Variants in CCDC171 observed in about 807,000 individuals in gnomAD.
CCDC171 encodes coiled-coil domain-containing protein 171.
A neutral mutation model predicts 168.2 loss-of-function variants in CCDC171; 177 were observed. That is an observed-to-expected ratio of 1.05 (90% CI 0.93 to 1.19). The LOEUF is 1.19. CCDC171 is among the 50% of genes most tolerant of loss of function. CCDC171 has a pLI of 0.00. For synonymous variants in CCDC171, 687 were observed against 540.8 expected, an observed-to-expected ratio of 1.27 and a Z score of -3.75; for missense variants, 1,991 against 1,539.0, an observed-to-expected ratio of 1.29 and a Z score of -4.91.
chr9:15,927,104 A>T (rs975104079), intron 25 of CCDC171, among the ~76,000 whole-genome samples: 6 of 151,716 alleles, frequency 4.0e-5, no homozygotes, highest in African/African-American at 1.4e-4. Flanking sequence ...TATTGTAGAC[A>T]TAATTATCTT....
intron 24 of CCDC171, chr9:15,886,911 C>T (rs1329279218): frequency 1.3e-5 from 2 of 151,962 alleles, no homozygotes; most frequent in Non-Finnish European, 1.5e-5. Flanking sequence ...TGCATGATTC[C>T]ATTTATACGT....
At chr9:15,655,157 A>G (rs542804945) in intron 7 of CCDC171, among the ~76,000 whole-genome samples, 2 of 137,762 alleles carry the variant, frequency 1.5e-5, no homozygotes, top group African/African-American at 5.5e-5. Context: ...CATTGTTCAC[A>G]TGCACCCTCA....
chr9:15,675,380 T>A (rs2049465639), intron 9 of CCDC171, among the ~76,000 whole-genome samples: 1 of 152,086 alleles, frequency 6.6e-6, no homozygotes. Context: ...ACATTTAAGG[T>A]TAATACTGTT....
At chr9:15,855,732 G>C (rs1361000530) in intron 23 of CCDC171, among the ~76,000 whole-genome samples, 1 of 151,494 alleles carries the variant, frequency 6.6e-6, no homozygotes, top group African/African-American at 2.4e-5. Context: ...GTTACCCTTG[G>C]TGATTATAAT....
chr9:15,664,423 T>A (rs7046351), intron 8 of CCDC171, among the ~76,000 whole-genome samples: 69,301 of 151,762 alleles, frequency 0.46, 16,107 homozygotes, highest in Non-Finnish European at 0.51. Context: ...TGATTTTTGT[T>A]TTTTTTGTAG....
rs1368642943 is a variant in CCDC171 at position 15,778,226 on chromosome 9, A to G, written c.2898+400A>G. On this transcript the variant is annotated intron_variant, in intron 19 of 25. Transcript: ENST00000380701. ...GCAGGAGAATGGCGTGAACCCGGGA[A>G]GCGGAGCTTGCAGTGAGCCGAGATT... Among the ~76,000 whole-genome samples the G allele has an allele frequency of 1.1e-4, 15 of 139,230 alleles. No homozygotes were observed. The South Asian group carries it at 2.2e-3, about 21-fold the overall frequency. The allele number at this position is 139,230 out of a possible 152,430, so 91.3% of individuals were successfully genotyped here.
intron 21 of CCDC171, among the ~76,000 whole-genome samples, chr9:15,794,754 G>T (rs2135678491): frequency 6.6e-6 from 1 of 152,312 alleles, no homozygotes; most frequent in Admixed American, 6.5e-5. Flanking sequence ...GAAGTTTGCT[G>T]ACCCTTGGGT....
intron 18 of CCDC171, among the ~76,000 whole-genome samples, chr9:15,769,334 A>G (rs2056893569): frequency 6.6e-6 from 1 of 152,178 alleles, no homozygotes; most frequent in Non-Finnish European, 1.5e-5. Flanking sequence ...ATGATTGGGT[A>G]GTATATTCCT....
At chr9:16,024,150 C>T (rs911809643) in intron 6 of CCDC171, among the ~76,000 whole-genome samples, 5 of 152,112 alleles carry the variant, frequency 3.3e-5, no homozygotes, top group Non-Finnish European at 7.4e-5. Flanking sequence ...AGGAATGCAG[C>T]TCTGTCTACA....
chr9:15,989,205 G>A (rs1026133959), intron 3 of CCDC171, among the ~76,000 whole-genome samples: 5 of 152,184 alleles, frequency 3.3e-5, no homozygotes, highest in Admixed American at 1.3e-4. Context: ...CACACCACAC[G>A]GCAGGGTACT....
intron 24 of CCDC171, among the ~76,000 whole-genome samples, chr9:15,880,720 C>A (rs1458439722): frequency 6.6e-6 from 1 of 151,620 alleles, no homozygotes; most frequent in Non-Finnish European, 1.5e-5. Context: ...AAGTGATTCA[C>A]CCGCCTCAGC....
chr9:16,015,453 C>T (rs1332707255), intron 3 of CCDC171, among the ~76,000 whole-genome samples: 1 of 152,112 alleles, frequency 6.6e-6, no homozygotes, highest in Non-Finnish European at 1.5e-5. Context: ...AAGACTACTA[C>T]TGTTATTATT....
At chr9:15,877,516 A>G (rs1818013052) in intron 24 of CCDC171, among the ~76,000 whole-genome samples, 1 of 152,100 alleles carries the variant, frequency 6.6e-6, no homozygotes, top group Admixed American at 6.6e-5. Flanking sequence ...AGCACAGCCT[A>G]CCATAGCTTC....
At chr9:15,742,479 A>G (rs536551857) in intron 16 of CCDC171, among the ~76,000 whole-genome samples, 1 of 152,196 alleles carries the variant, frequency 6.6e-6, no homozygotes, top group Non-Finnish European at 1.5e-5. Context: ...GCTATAAGCC[A>G]AGTGTCAAGT....
intron 21 of CCDC171, among the ~76,000 whole-genome samples, chr9:15,824,876 A>G (rs1438991400): frequency 6.6e-6 from 1 of 152,100 alleles, no homozygotes; most frequent in East Asian, 1.9e-4. Context: ...TGAAGGGGTC[A>G]TTATCTACAT....
chr9:15,862,582 T>C (rs1316047946), intron 23 of CCDC171, among the ~76,000 whole-genome samples: 2 of 151,970 alleles, frequency 1.3e-5, no homozygotes, highest in Non-Finnish European at 2.9e-5. Flanking sequence ...TGTTTCTCTG[T>C]TTTTTCATTT....
chr9:15,612,023 A>G (rs1458998552), intron 6 of CCDC171, among the ~76,000 whole-genome samples: 1 of 152,220 alleles, frequency 6.6e-6, no homozygotes, highest in Non-Finnish European at 1.5e-5. Flanking sequence ...CCACCATGTT[A>G]GGACACAGAT....
At chr9:15,861,101 C>G (rs1333601015) in intron 23 of CCDC171, among the ~76,000 whole-genome samples, 1 of 151,698 alleles carries the variant, frequency 6.6e-6, no homozygotes, top group Non-Finnish European at 1.5e-5. Context: ...CACTCCTACT[C>G]TTTTTTGGTT....
intron 3 of CCDC171, among the ~76,000 whole-genome samples, chr9:16,008,630 G>T (rs1004106941): frequency 6.6e-6 from 1 of 152,124 alleles, no homozygotes; most frequent in Admixed American, 6.5e-5. Flanking sequence ...TTGCCATTTT[G>T]TAATTCTTTC....
Sources: gnomAD v4.1 joint callset for allele counts (sites outside exome capture counted in the v4.1 genomes callset) on GRCh38, gnomAD v4.1.1 for gene constraint, MANE v1.5 for transcripts, NCBI Gene and HGNC (gene_info 2026-07-23, HGNC 2026-07-21) for gene names.